PPP1R9A: variants seen among roughly 807,000 people sequenced by gnomAD.
PPP1R9A encodes the protein neurabin-1.
PPP1R9A carries 59 observed loss-of-function variants against 141.9 expected under a neutral mutation model. The observed-to-expected ratio is 0.42, with a 90% confidence interval of 0.34 to 0.52. PPP1R9A has a LOEUF of 0.52. Ranked by LOEUF, PPP1R9A falls within the 20% of genes least tolerant of loss-of-function variation. The probability of loss-of-function intolerance (pLI) is 0.10; values close to 1 mark genes in which losing one functional copy is unlikely to be tolerated. For missense variants in PPP1R9A, 1,444 were observed against 1,611.9 expected, an observed-to-expected ratio of 0.90 and a Z score of 1.78; for synonymous variants, 500 against 569.7, an observed-to-expected ratio of 0.88 and a Z score of 1.74.
intron 5 of PPP1R9A, among the ~76,000 whole-genome samples, chr7:95,169,190 G>A (rs944724991): frequency 3.3e-5 from 5 of 151,986 alleles, no homozygotes; most frequent in African/African-American, 1.2e-4. Flanking sequence ...TATACACGGT[G>A]AAATACTATT....
At chr7:95,177,265 AC>A (rs1833038776) in intron 5 of PPP1R9A, among the ~76,000 whole-genome samples, 1 of 152,168 alleles carries the variant, frequency 6.6e-6, no homozygotes. Flanking sequence ...ATCTAGTGAA[AC>A]TAAGCATCAA....
chr7:95,250,159 C>G lies in PPP1R9A; in HGVS notation c.2300C>G (p.Thr767Arg). 6.2e-7 allele frequency: 1 copy of G among 1,613,980 alleles called. No individual in the cohort carries two copies. Among genetic ancestry groups the G allele is most frequent in the Non-Finnish European group, 8.5e-7 (1 of 1,179,952 alleles). ...YWIEAQTLCH[T>R]VNEHLKETQS... Reference sequence around the variant, plus strand: ...ATTGAGGCCCAAACATTATGCCACACAGTGAATGAGCATCTCAAAGAGACT... The same window carrying G: ...ATTGAGGCCCAAACATTATGCCACAGAGTGAATGAGCATCTCAAAGAGACT... Residue 767 changes from threonine (T) to arginine (R), a missense_variant, in exon 10 of 20, where the codon ACA becomes AGA. Thr to Arg is a moderately conservative substitution (Grantham distance 71). This residue lies in a region of PPP1R9A where 488 missense variants were observed against 542.0 expected (regional missense o/e 0.90). Coordinates refer to ENST00000433360, the MANE Select transcript of PPP1R9A (RefSeq NM_001166160.2).
chr7:95,153,646 C>T (rs544080491), intron 4 of PPP1R9A, among the ~76,000 whole-genome samples: 3 of 152,208 alleles, frequency 2.0e-5, no homozygotes, highest in African/African-American at 7.2e-5. Context: ...TAATTGATAC[C>T]TTATATTGGT....
chr7:95,185,662 C>T (rs1239721577), intron 5 of PPP1R9A, among the ~76,000 whole-genome samples: 1 of 152,060 alleles, frequency 6.6e-6, no homozygotes, highest in African/African-American at 2.4e-5. Context: ...GGTTTCAGAT[C>T]TTAGATTTAA....
rs577894433 is a variant in PPP1R9A, at chr7:95,232,679, A to G, written c.2112+6563A>G. 2.6e-5 allele frequency among the ~76,000 whole-genome samples: 4 copies of G among 152,314 alleles called. No individual in the cohort carries two copies. The South Asian group carries it at 8.3e-4, about 32-fold the overall frequency. ...AGGAACTTAAACAAATTTACAAGAA[A>G]AAAACAACCCCATCAAAAAGTGGGC... is the stretch of plus-strand genomic sequence containing the variant. On this transcript the variant is annotated intron_variant, in intron 8 of 19. Coordinates refer to ENST00000433360, the MANE Select transcript of PPP1R9A (RefSeq NM_001166160.2).
intron 2 of PPP1R9A, among the ~76,000 whole-genome samples, chr7:95,012,327 C>T (rs1330065550): frequency 4.6e-5 from 7 of 152,048 alleles, no homozygotes; most frequent in East Asian, 1.9e-4. Context: ...AGGTGCTACA[C>T]ACTTTTAAAC....
chr7:95,108,520 G>C (rs143025392), intron 2 of PPP1R9A, among the ~76,000 whole-genome samples: 4 of 151,328 alleles, frequency 2.6e-5, no homozygotes, highest in East Asian at 1.9e-4. Context: ...CCGTGTTAGC[G>C]AGGACAGTCT....
At chr7:94,997,540 C>T (rs1430354963) in intron 2 of PPP1R9A, among the ~76,000 whole-genome samples, 1 of 152,160 alleles carries the variant, frequency 6.6e-6, no homozygotes, top group Non-Finnish European at 1.5e-5. Flanking sequence ...TAACACTCTG[C>T]TCAGTGTTTA....
intron 1 of PPP1R9A, among the ~76,000 whole-genome samples, chr7:94,908,776 C>G (rs910916145): frequency 7.2e-5 from 11 of 151,842 alleles, no homozygotes; most frequent in African/African-American, 2.7e-4. Flanking sequence ...AGGAGATTGT[C>G]GATGCTTTAC....
intron 4 of PPP1R9A, among the ~76,000 whole-genome samples, chr7:95,150,798 G>C (rs556365341): frequency 0.014 from 2,177 of 152,186 alleles, 23 homozygotes; most frequent in Non-Finnish European, 0.022. Flanking sequence ...TATACGAAAA[G>C]CTCTTAAAAC....
chr7:95,074,236 G>A (rs1403570545), intron 2 of PPP1R9A, among the ~76,000 whole-genome samples: 1 of 152,070 alleles, frequency 6.6e-6, no homozygotes, highest in Non-Finnish European at 1.5e-5. Flanking sequence ...ACCTTTTTAT[G>A]TAAGAGAATA....
chr7:95,072,836 AATT>A (rs1412354121), intron 2 of PPP1R9A, among the ~76,000 whole-genome samples: 292 of 54,998 alleles, frequency 5.3e-3, no homozygotes, highest in Middle Eastern at 7.8e-3. Context: ...TATATATAAT[AATT>A]ATTATATATA....
chr7:95,275,838 A>G (rs1472079645), intron 16 of PPP1R9A, among the ~76,000 whole-genome samples: 1 of 152,166 alleles, frequency 6.6e-6, no homozygotes, highest in East Asian at 1.9e-4. Flanking sequence ...GGAGATGAGG[A>G]GAGAGAATTC....
At position 95,250,161 on chromosome 7, in the gene PPP1R9A, G is replaced by A; in HGVS notation, c.2302G>A (p.Val768Met). ...TGAGGCCCAAACATTATGCCACACA[G>A]TGAATGAGCATCTCAAAGAGACTCA... The part of the protein sequence containing the change: ...WIEAQTLCHT[V>M]NEHLKETQSQ... Residue 768 changes from valine to methionine, a missense_variant, in exon 10 of 20, where the codon GTG (valine) becomes ATG (methionine). Val to Met is a conservative substitution (Grantham distance 21). Transcript: ENST00000433360. 1.2e-6 allele frequency: 2 copies of A among 1,613,962 alleles called. No individual in the cohort carries two copies. Among genetic ancestry groups the A allele is most frequent in the Non-Finnish European group, 1.7e-6 (2 of 1,179,942 alleles).
chr7:95,175,643 AG>A (rs1276967736), intron 5 of PPP1R9A, among the ~76,000 whole-genome samples: 1 of 152,118 alleles, frequency 6.6e-6, no homozygotes, highest in Non-Finnish European at 1.5e-5. Context: ...TATAAGACAG[AG>A]ATTTTGTTTC....
intron 6 of PPP1R9A, among the ~76,000 whole-genome samples, chr7:95,200,975 G>A (rs1031373539): frequency 2.0e-5 from 3 of 152,186 alleles, no homozygotes; most frequent in Non-Finnish European, 4.4e-5. Context: ...ACACTGTGCT[G>A]TTTTTGAGTA....
At chr7:95,084,739 A>G (rs1168915501) in intron 2 of PPP1R9A, among the ~76,000 whole-genome samples, 2 of 152,032 alleles carry the variant, frequency 1.3e-5, no homozygotes, top group African/African-American at 4.8e-5. Context: ...TACATGAGCC[A>G]TAGCCCACTT....
At chr7:95,210,264 A>G (rs6465459) in intron 7 of PPP1R9A, among the ~76,000 whole-genome samples, 142,643 of 152,158 alleles carry the variant, frequency 0.94, 66,985 homozygotes, top group East Asian at 1. Flanking sequence ...AATATGTATG[A>G]TAAAAAATTT....
rs768824695 is a variant in PPP1R9A, at chr7:95,284,082, C to T, written c.3361C>T (p.Arg1121Cys). Reference sequence around the variant, plus strand: ...ATGTTCAACAGCTCAGACCTCCACTCGTTCCCCTTGCATGCCTTTCTCATG... The same window carrying T: ...ATGTTCAACAGCTCAGACCTCCACTTGTTCCCCTTGCATGCCTTTCTCATG... The part of the protein sequence containing the change: ...KPCSTAQTST[R>C]SPCMPFSWFN... The change falls in exon 17 of 20, where the codon CGT becomes TGT. Residue 1121 changes from arginine (R) to cysteine (C), a missense_variant. Arg to Cys is a radical substitution (Grantham distance 180). Coordinates refer to ENST00000433360, the MANE Select transcript of PPP1R9A (RefSeq NM_001166160.2). 19 of 1,597,058 alleles carry T rather than the reference C, an allele frequency of 1.2e-5. No individual in the cohort carries two copies. The highest frequency in any genetic ancestry group is 6.7e-5 in the East Asian group (3 of 44,862).
Sources: allele counts gnomAD v4.1 joint callset (sites outside exome capture counted in the v4.1 genomes callset), GRCh38; gene constraint gnomAD v4.1.1; regional missense constraint gnomAD v4.1.1; transcripts MANE v1.5; gene names NCBI Gene and HGNC (gene_info 2026-07-23, HGNC 2026-07-21).